The following CSMD3 variants were observed in gnomAD, a reference collection of about 807,000 sequenced individuals.
CSMD3 encodes the protein CUB and Sushi multiple domains 3.
Under a neutral mutation model 435.2 loss-of-function variants are expected in CSMD3, and 177 were observed. The ratio of observed to expected loss-of-function variants is 0.41; its 90% CI spans 0.36 to 0.46. The LOEUF is 0.46. CSMD3 is among the 20% of genes least tolerant of loss of function. CSMD3 has a pLI of 0.34. For synonymous variants in CSMD3, 1,656 were observed against 1,520.5 expected (o/e 1.09, Z -2.07); for missense variants, 4,265 against 4,504.6 (o/e 0.95, Z 1.52).
intron 3 of CSMD3, among the ~76,000 whole-genome samples, chr8:113,275,966 A>G (rs1309970973): frequency 6.6e-6 from 1 of 152,054 alleles, no homozygotes; most frequent in Non-Finnish European, 1.5e-5. Context: ...CAGAAAAAAA[A>G]CTGGATCCAA....
At chr8:112,986,239 T>C (rs2085250361) in intron 6 of CSMD3, among the ~76,000 whole-genome samples, 1 of 152,214 alleles carries the variant, frequency 6.6e-6, no homozygotes, top group Non-Finnish European at 1.5e-5. Context: ...TTCTTTTCTA[T>C]CTGAAATTAA....
chr8:112,688,694 T>A (rs952032244), intron 14 of CSMD3, among the ~76,000 whole-genome samples: 3 of 152,102 alleles, frequency 2.0e-5, no homozygotes, highest in African/African-American at 7.2e-5. Context: ...ATGTATTCTC[T>A]TTTAAATGTA....
rs369498506 is a variant in CSMD3 at position 112,468,332 on chromosome 8, C to T, written c.5395+4259G>A. On this transcript the variant is annotated intron_variant, in intron 32 of 70. Coordinates refer to ENST00000297405, the MANE Select transcript of CSMD3 (RefSeq NM_198123.2). ...TCTCTTTGGGCTTTAAAATAAATAC[C>T]CCAGTATCTGCTGGAGTAAGAGAAA... Among the ~76,000 whole-genome samples the T allele has an allele frequency of 4.1e-4, 62 of 151,234 alleles. No individual in the cohort carries two copies. In the East Asian group the frequency reaches 6.5e-3, roughly 16 times the overall value.
chr8:112,265,270 A>C, intron 60 of CSMD3, 141 bp downstream of exon 60: 1 of 430,916 alleles, frequency 2.3e-6, no homozygotes, highest in Non-Finnish European at 4.0e-6. Context: ...ATTTTTAAGA[A>C]ACAGCCATTT....
intron 47 of CSMD3, among the ~76,000 whole-genome samples, chr8:112,316,704 G>A (rs1197522103): frequency 6.6e-6 from 1 of 151,788 alleles, no homozygotes; most frequent in Non-Finnish European, 1.5e-5. Flanking sequence ...GAAAACTGAT[G>A]GCCAGAAAGT....
chr8:112,726,866 C>G (rs2076976507), intron 13 of CSMD3, among the ~76,000 whole-genome samples: 1 of 151,542 alleles, frequency 6.6e-6, no homozygotes, highest in Admixed American at 6.6e-5. Flanking sequence ...CACTAAGCAA[C>G]AAAATGATAT....
intron 22 of CSMD3, among the ~76,000 whole-genome samples, chr8:112,620,328 T>A (rs915439723): frequency 2.0e-5 from 3 of 152,166 alleles, no homozygotes; most frequent in African/African-American, 7.2e-5. Flanking sequence ...GTAACGGTAC[T>A]ACAATGATGT....
At chr8:112,561,146 T>C (rs1828586811) in intron 24 of CSMD3, among the ~76,000 whole-genome samples, 1 of 151,742 alleles carries the variant, frequency 6.6e-6, no homozygotes, top group Admixed American at 6.6e-5. Context: ...TTGTTGCTTA[T>C]TCATAAATAT....
chr8:112,661,498 T>C (rs1176807780), intron 17 of CSMD3, among the ~76,000 whole-genome samples: 1 of 152,160 alleles, frequency 6.6e-6, no homozygotes, highest in Non-Finnish European at 1.5e-5. Context: ...ATTGCAGGCA[T>C]TGTTTGGCAA....
intron 32 of CSMD3, among the ~76,000 whole-genome samples, chr8:112,463,525 G>T (rs556937223): frequency 6.6e-6 from 1 of 152,238 alleles, no homozygotes; most frequent in South Asian, 2.1e-4. Context: ...TGCACTTAGA[G>T]CTATGCTGCT....
In CSMD3 at chr8:112,320,051, A is replaced by T. The variant is rs1012593045; in HGVS notation, c.7166-70T>A. 2.1e-5 allele frequency: 20 copies of T among 970,918 alleles called. No individual in the cohort carries two copies. The South Asian group carries it at 2.6e-4, about 13-fold the overall frequency. The allele number at this position is 970,918 out of a possible 1,614,324, so 60.1% of individuals were successfully genotyped here. On this transcript the variant is annotated intron_variant, in intron 45 of 70. Transcript: ENST00000297405. The stretch of plus-strand genomic sequence containing the variant: ...ATGTATTCACATATGCAAAAAAACA[A>T]GAAAATTATGGAAAGTTGTTTAAAA...
intron 11 of CSMD3, among the ~76,000 whole-genome samples, chr8:112,848,388 G>A (rs951249149): frequency 3.2e-4 from 48 of 151,826 alleles, no homozygotes; most frequent in Non-Finnish European, 5.6e-4. Context: ...AGTAATTTCC[G>A]AACAATATAT....
At position 112,779,769 on chromosome 8, in the gene CSMD3, T is replaced by C. The variant is rs146896006; in HGVS notation, c.1972+20393A>G. ...ATTCTAAAATTCTGAATGAAAATTA[T>C]CAAGATTTCTTTCTCATGTGAGATA... On this transcript the variant is annotated intron_variant, in intron 13 of 70. Coordinates refer to ENST00000297405, the MANE Select transcript of CSMD3 (RefSeq NM_198123.2). Among the ~76,000 whole-genome samples the C allele has an allele frequency of 1.5e-4, 23 of 152,200 alleles. No homozygotes were observed. In the East Asian group the frequency reaches 4.1e-3, roughly 27 times the overall value.
intron 13 of CSMD3, among the ~76,000 whole-genome samples, chr8:112,760,970 G>A (rs1198114275): frequency 6.6e-6 from 1 of 152,102 alleles, no homozygotes; most frequent in African/African-American, 2.4e-5. Flanking sequence ...TGAGCTTCAA[G>A]AATCGTGCCC....
chr8:113,331,293 T>TA (rs547827619), intron 1 of CSMD3, among the ~76,000 whole-genome samples: 50 of 146,074 alleles, frequency 3.4e-4, no homozygotes, highest in Admixed American at 9.6e-4. Context: ...AATGTGTGAC[T>TA]AAAAAAAAAA....
chr8:112,310,912 TA>T (rs1821919002), intron 50 of CSMD3, 65 bp downstream of exon 50: 1 of 1,363,782 alleles, frequency 7.3e-7, no homozygotes, highest in Non-Finnish European at 1.0e-6. Flanking sequence ...GTGATCCAAA[TA>T]AAAACGTTAA....
chr8:113,182,162 C>G (rs1296310022), intron 3 of CSMD3, among the ~76,000 whole-genome samples: 1 of 151,752 alleles, frequency 6.6e-6, no homozygotes, highest in African/African-American at 2.4e-5. Context: ...TGGTAATGAC[C>G]TGGAAATTAA....
rs1003985843 is a variant in CSMD3 at position 112,473,856 on chromosome 8, T to G, written c.5279-1149A>C. On this transcript the variant is annotated intron_variant, in intron 31 of 70. Coordinates refer to ENST00000297405, the MANE Select transcript of CSMD3 (RefSeq NM_198123.2). ...TTTTCAGATTAGGAGCCATCCTTCTTGCAGAGCACACTGTCTGGTGTGCTC... is the reference window on the plus strand; with the variant it reads ...TTTTCAGATTAGGAGCCATCCTTCTGGCAGAGCACACTGTCTGGTGTGCTC... Among the ~76,000 whole-genome samples, 4 of 152,064 alleles carry G rather than the reference T, an allele frequency of 2.6e-5. No individual in the cohort carries two copies. The East Asian group carries it at 7.8e-4, about 30-fold the overall frequency.
chr8:112,737,648 A>T (rs1021130678), intron 13 of CSMD3, among the ~76,000 whole-genome samples: 2 of 151,878 alleles, frequency 1.3e-5, no homozygotes, highest in African/African-American at 4.8e-5. Context: ...ACAATAAATC[A>T]TATTGTCACC....
Sources: allele counts gnomAD v4.1 joint callset (sites outside exome capture counted in the v4.1 genomes callset), GRCh38; gene constraint gnomAD v4.1.1; transcripts MANE v1.5; gene names NCBI Gene and HGNC (gene_info 2026-07-23, HGNC 2026-07-21).